The following GNAQ variants were observed in gnomAD, a reference collection of about 807,000 sequenced individuals.
The protein encoded by GNAQ is G protein subunit alpha q.
A neutral mutation model predicts 43.9 loss-of-function variants in GNAQ; 8 were observed. That is an observed-to-expected ratio of 0.18 (90% CI 0.11 to 0.33). The LOEUF is 0.33. GNAQ is among the 10% of genes least tolerant of loss of function. GNAQ has a pLI of 1.00. For synonymous variants in GNAQ, 155 were observed against 170.7 expected (o/e 0.91, Z 0.71); for missense variants, 158 against 450.8 (o/e 0.35, Z 5.88).
intron 2 of GNAQ, among the ~76,000 whole-genome samples, chr9:77,881,193 G>A (rs192703410): frequency 2.2e-4 from 34 of 151,780 alleles, no homozygotes; most frequent in East Asian, 3.9e-4. Context: ...ATTTTATGCC[G>A]CACCCCCCCC....
At chr9:77,880,407 C>T (rs1587383358) in intron 2 of GNAQ, among the ~76,000 whole-genome samples, 1 of 152,098 alleles carries the variant, frequency 6.6e-6, no homozygotes, top group African/African-American at 2.4e-5. Context: ...GAGTCTCACT[C>T]TGTCACCTAA....
intron 1 of GNAQ, among the ~76,000 whole-genome samples, chr9:77,928,446 TTAA>T (rs1417432096): frequency 2.0e-5 from 3 of 152,160 alleles, no homozygotes; most frequent in African/African-American, 7.2e-5. Context: ...ACCAGGACTA[TTAA>T]TAATAACTAA....
Position 77,922,355 on chromosome 9 carries a change from G to A in GNAQ, c.137-10C>T, listed in dbSNP as rs767837507. On this transcript the variant is annotated splice_polypyrimidine_tract_variant and intron_variant, in intron 1 of 6. Coordinates refer to ENST00000286548, the MANE Select transcript of GNAQ (RefSeq NM_002072.5). ...CCACTCTCTCCTGTCCCTGAAAGAT[G>A]AACAATAGCAGCTCATCAGACCACA... is the stretch of plus-strand genomic sequence containing the variant. 2 of 1,601,380 alleles carry A rather than the reference G, an allele frequency of 1.2e-6. No individual in the cohort carries two copies. The highest frequency in any genetic ancestry group is 8.5e-7 in the Non-Finnish European group (1 of 1,169,920).
intron 1 of GNAQ, among the ~76,000 whole-genome samples, chr9:77,946,174 G>T (rs1037495283): frequency 6.6e-6 from 1 of 152,178 alleles, no homozygotes; most frequent in African/African-American, 2.4e-5. Context: ...ACTGCAAGAA[G>T]AGAGAAGCAA....
At chr9:77,979,057 AAAAAT>A (rs1476459832) in intron 1 of GNAQ, among the ~76,000 whole-genome samples, 1 of 152,072 alleles carries the variant, frequency 6.6e-6, no homozygotes, top group Non-Finnish European at 1.5e-5. Context: ...TCTGTCTCAG[AAAAAT>A]AAAATAAAAA....
chr9:77,841,721 C>T (rs1285046687), intron 2 of GNAQ, among the ~76,000 whole-genome samples: 2 of 152,126 alleles, frequency 1.3e-5, no homozygotes, highest in African/African-American at 2.4e-5. Flanking sequence ...CACAGTTTGG[C>T]ACTGGTCAAA....
chr9:77,986,802 CCTT>C (rs1217023070), intron 1 of GNAQ, among the ~76,000 whole-genome samples: 2 of 129,898 alleles, frequency 1.5e-5, no homozygotes, highest in Non-Finnish European at 1.6e-5. Flanking sequence ...GGCACCTGGC[CCTT>C]TTTTTTTTTT....
chr9:77,894,797 G>A (rs528653726), intron 2 of GNAQ, among the ~76,000 whole-genome samples: 166 of 136,290 alleles, frequency 1.2e-3, no homozygotes, highest in African/African-American at 3.8e-3. Flanking sequence ...TTGATCAAGA[G>A]CATTATTTTC....
At chr9:77,844,876 T>G (rs561787700) in intron 2 of GNAQ, among the ~76,000 whole-genome samples, 122 of 152,164 alleles carry the variant, frequency 8.0e-4, no homozygotes, top group Middle Eastern at 6.8e-3. Context: ...GTTTTCACCA[T>G]GTTGGCCAGG....
chr9:77,775,912 A>G (rs1051138277), intron 5 of GNAQ, among the ~76,000 whole-genome samples: 4 of 152,176 alleles, frequency 2.6e-5, no homozygotes, highest in Non-Finnish European at 5.9e-5. Flanking sequence ...GTGACAGAGC[A>G]CGACTCTGTA....
chr9:77,839,573 C>T (rs756175622), intron 2 of GNAQ, among the ~76,000 whole-genome samples: 21 of 152,236 alleles, frequency 1.4e-4, no homozygotes, highest in Non-Finnish European at 2.8e-4. Context: ...CCCTGTGGTA[C>T]TGAAATCCTC....
intron 2 of GNAQ, among the ~76,000 whole-genome samples, chr9:77,844,810 T>C (rs1018506916): frequency 5.3e-5 from 8 of 152,016 alleles, no homozygotes; most frequent in African/African-American, 1.9e-4. Context: ...GTAGCTGGGA[T>C]TACAGGTGCC....
intron 2 of GNAQ, among the ~76,000 whole-genome samples, chr9:77,868,029 A>G (rs1827976061): frequency 6.6e-6 from 1 of 152,230 alleles, no homozygotes; most frequent in Admixed American, 6.5e-5. Flanking sequence ...GCTTAAGAGT[A>G]GTCAATTATA....
At chr9:77,784,121 C>G (rs943788076) in intron 5 of GNAQ, among the ~76,000 whole-genome samples, 1 of 150,974 alleles carries the variant, frequency 6.6e-6, no homozygotes, top group Non-Finnish European at 1.5e-5. Flanking sequence ...TTTTTTTTTC[C>G]TACAAAAAAG....
At chr9:77,956,363 T>C (rs929328506) in intron 1 of GNAQ, among the ~76,000 whole-genome samples, 6 of 152,260 alleles carry the variant, frequency 3.9e-5, no homozygotes, top group African/African-American at 1.4e-4. Context: ...TATCTTGTTA[T>C]GACCCTGTTG....
intron 1 of GNAQ, among the ~76,000 whole-genome samples, chr9:77,974,612 G>A (rs941511238): frequency 7.9e-5 from 12 of 152,184 alleles, no homozygotes; most frequent in Non-Finnish European, 1.6e-4. Flanking sequence ...GGAGGTCAGA[G>A]GGGAGGATAA....
In GNAQ at chr9:78,007,226, T is replaced by C. The variant is rs532476984; in HGVS notation, c.136+23874A>G. ...ATGCAAATAAAAGAATTGATACTAATATTTGTCCCTTATCTTTCATTTTCA... is the reference window on the plus strand; with the variant it reads ...ATGCAAATAAAAGAATTGATACTAACATTTGTCCCTTATCTTTCATTTTCA... On this transcript the variant is annotated intron_variant, in intron 1 of 6. Coordinates refer to ENST00000286548, the MANE Select transcript of GNAQ (RefSeq NM_002072.5). Among the ~76,000 whole-genome samples, 22 of 151,152 alleles carry C rather than the reference T, an allele frequency of 1.5e-4. No individual in the cohort carries two copies. The South Asian group carries it at 4.4e-3, about 30-fold the overall frequency.
chr9:77,929,597 G>A (rs113086560), intron 1 of GNAQ, among the ~76,000 whole-genome samples: 31 of 152,188 alleles, frequency 2.0e-4, no homozygotes, highest in African/African-American at 7.2e-4. Context: ...GTGGGACGCC[G>A]AGGTGGGTGG....
chr9:77,935,356 AT>A (rs1400292513), intron 1 of GNAQ, among the ~76,000 whole-genome samples: 2 of 152,188 alleles, frequency 1.3e-5, no homozygotes, highest in Non-Finnish European at 2.9e-5. Flanking sequence ...TGAAAGTATC[AT>A]TTCCAAATGG....
Sources: gnomAD v4.1 joint callset for allele counts (sites outside exome capture counted in the v4.1 genomes callset) on GRCh38, gnomAD v4.1.1 for gene constraint, MANE v1.5 for transcripts, NCBI Gene and HGNC (gene_info 2026-07-23, HGNC 2026-07-21) for gene names.